Variants in ROBO2 observed in about 807,000 individuals in gnomAD.
The protein encoded by ROBO2 is roundabout guidance receptor 2, also known as roundabout homolog 2.
Under a neutral mutation model 160.8 loss-of-function variants are expected in ROBO2, and 53 were observed. The ratio of observed to expected loss-of-function variants is 0.33; its 90% CI spans 0.26 to 0.41. The LOEUF is 0.41. Ranked by LOEUF, ROBO2 falls within the 10% of genes least tolerant of loss-of-function variation. ROBO2 has a pLI of 1.00. For synonymous variants in ROBO2, 664 were observed against 611.7 expected (o/e 1.09, Z -1.26); for missense variants, 1,577 against 1,722.4 (o/e 0.92, Z 1.49).
At position 76,025,280 on chromosome 3, in the gene ROBO2, C is replaced by G. The variant is rs143175740; in HGVS notation, c.109+87678C>G. 7.8e-4 allele frequency among the ~76,000 whole-genome samples: 118 copies of G among 151,704 alleles called. 2 individuals are homozygous for G. The East Asian group carries it at 0.022, about 28-fold the overall frequency. On this transcript the variant is annotated intron_variant, in intron 2 of 26. Transcript: ENST00000487694. Reference sequence around the variant, plus strand: ...TTCAAAATTAATAGTCAGAAACATTCACAAAGTCTTGGGAATTAGAGGGTG... The same window carrying G: ...TTCAAAATTAATAGTCAGAAACATTGACAAAGTCTTGGGAATTAGAGGGTG...
intron 2 of ROBO2, among the ~76,000 whole-genome samples, chr3:76,916,191 T>G (rs920513143): frequency 3.3e-5 from 5 of 152,216 alleles, no homozygotes; most frequent in Non-Finnish European, 7.3e-5. Flanking sequence ...TATAATATGC[T>G]GCTCTTTTAC....
At chr3:77,557,460 T>G (rs1290425018) in intron 8 of ROBO2, among the ~76,000 whole-genome samples, 1 of 151,938 alleles carries the variant, frequency 6.6e-6, no homozygotes, top group African/African-American at 2.4e-5. Context: ...ACATAACTGG[T>G]GCCATAAGGG....
At chr3:76,690,476 C>T (rs1191786419) in intron 2 of ROBO2, among the ~76,000 whole-genome samples, 1 of 152,016 alleles carries the variant, frequency 6.6e-6, no homozygotes, top group Non-Finnish European at 1.5e-5. Context: ...ATCTTGGAAT[C>T]AGAGATCAGC....
intron 2 of ROBO2, among the ~76,000 whole-genome samples, chr3:77,344,304 A>T (rs1312691059): frequency 1.3e-5 from 2 of 152,170 alleles, no homozygotes; most frequent in Non-Finnish European, 2.9e-5. Context: ...TTACTTTAAA[A>T]TATGCAAGAG....
At chr3:77,513,115 G>A (rs1295120107) in intron 5 of ROBO2, among the ~76,000 whole-genome samples, 1 of 151,806 alleles carries the variant, frequency 6.6e-6, no homozygotes, top group African/African-American at 2.4e-5. Flanking sequence ...ATTCAAACAA[G>A]GTGATGAGAT....
chr3:76,985,823 C>A (rs991873660), intron 2 of ROBO2, among the ~76,000 whole-genome samples: 4 of 152,058 alleles, frequency 2.6e-5, no homozygotes, highest in Non-Finnish European at 5.9e-5. Context: ...ATATATGATG[C>A]CAGTATTTCC....
intron 1 of ROBO2, among the ~76,000 whole-genome samples, chr3:75,920,851 T>C (rs1947012937): frequency 6.6e-6 from 1 of 151,940 alleles, no homozygotes; most frequent in South Asian, 2.1e-4. Flanking sequence ...TTGAAACCCC[T>C]GCTTTTTTTT....
intron 2 of ROBO2, among the ~76,000 whole-genome samples, chr3:76,798,838 A>T (rs149402976): frequency 6.6e-6 from 1 of 152,284 alleles, no homozygotes; most frequent in East Asian, 1.9e-4. Flanking sequence ...GGCTTCAGTG[A>T]ATCATGATCA....
chr3:76,600,335 A>C (rs1182514858), intron 2 of ROBO2, among the ~76,000 whole-genome samples: 1 of 152,088 alleles, frequency 6.6e-6, no homozygotes, highest in Non-Finnish European at 1.5e-5. Context: ...ATTTTTTTAA[A>C]CCTTCTACAT....
At chr3:77,293,246 A>G in intron 2 of ROBO2, among the ~76,000 whole-genome samples, 2 of 151,146 alleles carry the variant, frequency 1.3e-5, no homozygotes, top group Middle Eastern at 3.5e-3. Flanking sequence ...ACATAAAGTA[A>G]AATTGACGGT....
chr3:76,003,098 A>G (rs938962737), intron 2 of ROBO2, among the ~76,000 whole-genome samples: 7 of 152,222 alleles, frequency 4.6e-5, no homozygotes, highest in Admixed American at 1.3e-4. Flanking sequence ...TGGGCCCACT[A>G]TGTCCCATTC....
intron 2 of ROBO2, among the ~76,000 whole-genome samples, chr3:77,124,915 T>G: frequency 6.6e-6 from 1 of 152,120 alleles, no homozygotes; most frequent in Non-Finnish European, 1.5e-5. Flanking sequence ...CTTTCTTTCC[T>G]TTTTCCTCTT....
intron 2 of ROBO2, among the ~76,000 whole-genome samples, chr3:76,216,718 T>G (rs1172795569): frequency 1.3e-5 from 2 of 152,120 alleles, no homozygotes; most frequent in Non-Finnish European, 2.9e-5. Flanking sequence ...ATGGGAGACT[T>G]TAACACCCCA....
At chr3:77,185,989 AG>A (rs1560188661) in intron 2 of ROBO2, among the ~76,000 whole-genome samples, 2 of 151,914 alleles carry the variant, frequency 1.3e-5, no homozygotes, top group African/African-American at 2.4e-5. Context: ...GAGGATGCAA[AG>A]GCATAAGAAT....
intron 2 of ROBO2, among the ~76,000 whole-genome samples, chr3:76,399,679 T>G (rs1482396045): frequency 6.6e-6 from 1 of 151,718 alleles, no homozygotes; most frequent in Non-Finnish European, 1.5e-5. Context: ...ACATTAAGCA[T>G]CAGGAAGTAT....
intron 2 of ROBO2, among the ~76,000 whole-genome samples, chr3:76,108,119 A>G (rs2108215067): frequency 1.3e-5 from 2 of 152,154 alleles, no homozygotes; most frequent in South Asian, 4.1e-4. Flanking sequence ...TTATTTCTCA[A>G]TCTTTCTGAC....
At chr3:77,543,557 G>A (rs1330583075) in intron 6 of ROBO2, among the ~76,000 whole-genome samples, 1 of 152,076 alleles carries the variant, frequency 6.6e-6, no homozygotes, top group Non-Finnish European at 1.5e-5. Flanking sequence ...TGTTTCAAAA[G>A]TTTGAAAATT....
intron 2 of ROBO2, among the ~76,000 whole-genome samples, chr3:76,386,283 T>C (rs930551053): frequency 2.6e-5 from 4 of 151,976 alleles, no homozygotes; most frequent in South Asian, 4.2e-4. Flanking sequence ...ACTAGACCTT[T>C]CTTCATATTA....
chr3:76,351,453 G>A lies in ROBO2; in HGVS notation c.109+413851G>A, dbSNP rs534698170. On this transcript the variant is annotated intron_variant, in intron 2 of 26. Coordinates refer to the ROBO2 transcript ENST00000487694. ...CACTAGAGAAACTCTAAAAATAAAAGTATTGGGTTTGTCCATTGGATATTG... is the reference window on the plus strand; with the variant it reads ...CACTAGAGAAACTCTAAAAATAAAAATATTGGGTTTGTCCATTGGATATTG... 3.3e-5 allele frequency among the ~76,000 whole-genome samples: 5 copies of A among 152,018 alleles called. 1 individual carries two copies. Among genetic ancestry groups the A allele is most frequent in the African/African-American group, 7.2e-5 (3 of 41,516 alleles).
Sources: allele counts gnomAD v4.1 joint callset (sites outside exome capture counted in the v4.1 genomes callset), GRCh38; gene constraint gnomAD v4.1.1; transcripts MANE v1.5; gene names NCBI Gene and HGNC (gene_info 2026-07-23, HGNC 2026-07-21).